The following CDK5RAP3 variants were observed in gnomAD, a reference collection of about 807,000 sequenced individuals.
CDK5RAP3 encodes the protein CDK5 regulatory subunit-associated protein 3.
In CDK5RAP3, 58 loss-of-function variants were observed where a neutral mutation model predicts 73.3. The ratio of observed to expected loss-of-function variants is 0.79; its 90% CI spans 0.64 to 0.98. The LOEUF is 0.98. Among genes scored for constraint, CDK5RAP3 ranks in the 50% least tolerant of loss-of-function variants. CDK5RAP3 has a pLI of 0.00. For synonymous variants in CDK5RAP3, 224 were observed against 247.5 expected (o/e 0.91, Z 0.89); for missense variants, 525 against 615.8 (o/e 0.85, Z 1.56).
In CDK5RAP3 at chr17:47,974,691, G is replaced by A; in HGVS notation, c.334+243G>A. The A allele has an allele frequency of 7.4e-6, 10 of 1,357,736 alleles. No individual in the cohort carries two copies. The South Asian group carries it at 1.2e-4, about 16-fold the overall frequency. The allele number at this position is 1,357,736 out of a possible 1,614,324, so 84.1% of individuals were successfully genotyped here. A position where few individuals can be genotyped will look rare whatever the true frequency, so the allele number is the denominator to read the frequency against. ...ATTCGCCGTGCCTCAGCGAGCAGGTGTGTGTGGGTCCTCCACCACTCACCT... is the reference window on the plus strand; with the variant it reads ...ATTCGCCGTGCCTCAGCGAGCAGGTATGTGTGGGTCCTCCACCACTCACCT... On this transcript the variant is annotated intron_variant, in intron 5 of 13. Transcript: ENST00000338399.
intron 8 of CDK5RAP3, 125 bp from the exon 9 acceptor site, chr17:47,976,587 C>T: frequency 1.5e-6 from 1 of 653,870 alleles, no homozygotes; most frequent in Admixed American, 2.3e-5. Flanking sequence ...TGGTCTCAAA[C>T]TCCTGGGCTC....
chr17:47,979,717 G>A (rs532046410), intron 11 of CDK5RAP3: 2 of 152,536 alleles, frequency 1.3e-5, no homozygotes, highest in East Asian at 1.9e-4. Context: ...ACGGGGTCCT[G>A]TCTTTGTTAA....
chr17:47,976,895 T>C, intron 9 of CDK5RAP3, 73 bp downstream of exon 9: 1 of 1,007,668 alleles, frequency 9.9e-7, no homozygotes, highest in Non-Finnish European at 1.5e-6. Context: ...TTTGTGTCTG[T>C]AACGGCATCA....
In CDK5RAP3 at chr17:47,975,353, C is replaced by G. The variant is rs766275276; in HGVS notation, c.513+16C>G. 1 of 1,612,380 alleles carries G rather than the reference C, an allele frequency of 6.2e-7. No homozygotes were observed. Among genetic ancestry groups the G allele is most frequent in the South Asian group, 1.1e-5 (1 of 91,048 alleles). On this transcript the variant is annotated intron_variant, in intron 6 of 13. Coordinates refer to ENST00000338399, the MANE Select transcript of CDK5RAP3 (RefSeq NM_176096.3). ...TGGCATCACGGTGAGCGGCGGCAGC[C>G]TCTTCGCAGCCAGAGGACACCTGGG...
At chr17:47,975,431 C>G in intron 6 of CDK5RAP3, 83 bp from the exon 7 acceptor site, 1 of 1,607,554 alleles carries the variant, frequency 6.2e-7, no homozygotes, top group Non-Finnish European at 8.5e-7. Context: ...GGTTGCACCC[C>G]CTTTGGGCCA....
At chr17:47,970,046 C>T (rs1256155618), upstream of CDK5RAP3, among the ~76,000 whole-genome samples, 1 of 152,182 alleles carries the variant, frequency 6.6e-6, no homozygotes, top group African/African-American at 2.4e-5. Flanking sequence ...ATCTTGTGTC[C>T]CAGCTCAGGC....
intron 9 of CDK5RAP3, 110 bp from the exon 10 acceptor site, chr17:47,977,722 T>C (rs896219775): frequency 3.5e-6 from 3 of 854,056 alleles, no homozygotes; most frequent in Non-Finnish European, 3.7e-6. Flanking sequence ...AAATCCTTAA[T>C]AGAGTTGGAA....
intron 10 of CDK5RAP3, 161 bp downstream of exon 10, chr17:47,978,071 T>A: frequency 2.4e-6 from 1 of 415,986 alleles, no homozygotes; most frequent in Non-Finnish European, 4.2e-6. Context: ...CAAGAGAGGT[T>A]TTTTTTTTTT....
intron 11 of CDK5RAP3, 26 bp downstream of exon 11, chr17:47,978,943 G>A (rs200395102): frequency 2.5e-6 from 4 of 1,581,818 alleles, no homozygotes; most frequent in Non-Finnish European, 2.6e-6. Flanking sequence ...GAAGATGCAG[G>A]GGGGAGGCAT....
intron 2 of CDK5RAP3, among the ~76,000 whole-genome samples, chr17:47,972,052 G>GTC (rs2036283684): frequency 6.6e-6 from 1 of 150,466 alleles, no homozygotes; most frequent in African/African-American, 2.4e-5. Flanking sequence ...TGGAACTTAA[G>GTC]TCTGTCTGAC....
chr17:47,970,282 A>G (rs1598214259), upstream of CDK5RAP3, among the ~76,000 whole-genome samples: 1 of 152,062 alleles, frequency 6.6e-6, no homozygotes. Context: ...GCCTCAAACC[A>G]TCTACGGTAT....
chr17:47,976,806 C>A lies in CDK5RAP3; in HGVS notation c.893C>A (p.Pro298Gln). ...EAAGIDWGIF[P>Q]ESDSKDPGGD... ...GCTGGAATCGACTGGGGCATCTTCC[C>A]GGAATCAGATTCAAAGGTGAGGAGG... Residue 298 changes from proline to glutamine, a missense_variant, in exon 9 of 14, where the codon CCG becomes CAG. By Grantham distance (76) the Pro-to-Gln change is moderately conservative. This residue lies in a region of CDK5RAP3 where 409 missense variants were observed against 429.8 expected (regional missense o/e 0.95). Transcript: ENST00000338399. The A allele has an allele frequency of 6.2e-7, 1 of 1,607,604 alleles. No homozygotes were observed. The highest frequency in any genetic ancestry group is 8.5e-7 in the Non-Finnish European group (1 of 1,176,122).
intron 10 of CDK5RAP3, 193 bp downstream of exon 10, chr17:47,978,103 C>T (rs550283459): frequency 4.1e-6 from 2 of 487,760 alleles, no homozygotes; most frequent in East Asian, 7.5e-5. Context: ...GAGTTTCGCT[C>T]TTGTTGCCCA....
chr17:47,973,860 A>C, intron 3 of CDK5RAP3, 71 bp from the exon 4 acceptor site: 2 of 1,283,222 alleles, frequency 1.6e-6, no homozygotes, highest in Non-Finnish European at 2.3e-6. Flanking sequence ...TACATGAATC[A>C]GCCACCTGCA....
chr17:47,978,651 T>C (rs1470478532), intron 10 of CDK5RAP3, 178 bp from the exon 11 acceptor site: 36 of 587,362 alleles, frequency 6.1e-5, no homozygotes, highest in Non-Finnish European at 1.0e-4. Context: ...TGGAAAGTGG[T>C]ACCTGATTAG....
rs1462825917 is a variant in CDK5RAP3 at position 47,980,673 on chromosome 17, T to C, written c.1158T>C (p.Ala386=). 1.9e-6 allele frequency: 3 copies of C among 1,614,122 alleles called. No homozygotes were observed. ...TGTCTGTGAGCCAGTTCCAGCTGGC[T>C]CCAGCCATCCTGCAGGGCCAGACCA... ...DVLSVSQFQL[A]PAILQGQTKE... is the part of the protein sequence containing the mutation. The change falls in exon 12 of 14, where the codon GCT becomes GCC. Residue 386 remains alanine, a synonymous_variant. Coordinates refer to ENST00000338399, the MANE Select transcript of CDK5RAP3 (RefSeq NM_176096.3).
chr17:47,976,969 G>A (rs1312019406), intron 9 of CDK5RAP3, 147 bp downstream of exon 9: 4 of 486,278 alleles, frequency 8.2e-6, no homozygotes, highest in African/African-American at 6.2e-5. Context: ...CACGTCACAT[G>A]TCAGAGTTTT....
At chr17:47,970,569 C>G (rs993698273), upstream of CDK5RAP3, 3 of 1,151,502 alleles carry the variant, frequency 2.6e-6, no homozygotes, top group Non-Finnish European at 1.3e-6. Flanking sequence ...CTCACCGACT[C>G]TCTTCCTTCC....
chr17:47,971,093 G>A (rs942981325), upstream of CDK5RAP3: 18 of 1,551,784 alleles, frequency 1.2e-5, no homozygotes, highest in African/African-American at 2.3e-4. Flanking sequence ...CACTGGATTG[G>A]TGGTAGGGCG....
Sources: allele counts gnomAD v4.1 joint callset (sites outside exome capture counted in the v4.1 genomes callset), GRCh38; gene constraint gnomAD v4.1.1; regional missense constraint gnomAD v4.1.1; transcripts MANE v1.5; gene names NCBI Gene and HGNC (gene_info 2026-07-23, HGNC 2026-07-21).